STARD3NL: variants seen among roughly 807,000 people sequenced by gnomAD.
STARD3NL encodes the protein STARD3 N-terminal-like protein.
Under a neutral mutation model 30.9 loss-of-function variants are expected in STARD3NL, and 17 were observed. The observed-to-expected ratio is 0.55, with a 90% CI of 0.38 to 0.82. STARD3NL has a LOEUF of 0.82. STARD3NL is among the 40% of genes least tolerant of loss of function. STARD3NL has a pLI of 0.00. For missense variants in STARD3NL, 234 were observed against 277.6 expected (o/e 0.84, Z 1.12); for synonymous variants, 112 against 100.5 (o/e 1.11, Z -0.69).
At chr7:38,179,772 A>C (rs1784173202) in intron 1 of STARD3NL, among the ~76,000 whole-genome samples, 2 of 152,240 alleles carry the variant, frequency 1.3e-5, no homozygotes, top group South Asian at 4.1e-4. Context: ...GGTTGTATGG[A>C]GAAATGGGAT....
intron 4 of STARD3NL, 145 bp from the exon 5 acceptor site, chr7:38,216,880 T>C: frequency 1.2e-6 from 1 of 862,398 alleles, no homozygotes; most frequent in African/African-American, 1.7e-5. Flanking sequence ...GGAGAGAGAC[T>C]GAGTGATATG....
Position 38,219,802 on chromosome 7 carries a change from A to G in STARD3NL, c.649+142A>G, listed in dbSNP as rs987432431. On this transcript the variant is annotated intron_variant, in intron 7 of 8. Coordinates refer to ENST00000009041, the MANE Select transcript of STARD3NL (RefSeq NM_032016.4). ...CATTAGGGATATGAAAATAGGTGAG[A>G]CACGGTCTCACATGAAACCAGTGGT... The G allele has an allele frequency of 6.9e-5, 43 of 623,090 alleles. 1 individual carries two copies. The South Asian group carries it at 8.2e-4, about 12-fold the overall frequency. 38.6% of individuals were successfully genotyped at this position (623,090 alleles called of 1,614,324 possible).
intron 2 of STARD3NL, among the ~76,000 whole-genome samples, chr7:38,213,939 G>A (rs546697714): frequency 3.0e-4 from 46 of 152,314 alleles, no homozygotes; most frequent in Non-Finnish European, 4.7e-4. Context: ...ACGTTTGCCC[G>A]GATGTCGGGG....
At chr7:38,199,722 C>T (rs1324409545) in intron 1 of STARD3NL, among the ~76,000 whole-genome samples, 2 of 152,186 alleles carry the variant, frequency 1.3e-5, no homozygotes, top group Non-Finnish European at 2.9e-5. Flanking sequence ...ATCCAATAAC[C>T]AGACAGTAGA....
At chr7:38,218,491 T>C (rs930159700) in intron 6 of STARD3NL, among the ~76,000 whole-genome samples, 8 of 152,208 alleles carry the variant, frequency 5.3e-5, no homozygotes, top group Admixed American at 3.9e-4. Flanking sequence ...TAATTGTATA[T>C]AAATATAAAA....
chr7:38,220,037 C>T (rs147758950), intron 7 of STARD3NL, among the ~76,000 whole-genome samples: 54 of 152,326 alleles, frequency 3.5e-4, no homozygotes, highest in Non-Finnish European at 6.8e-4. Flanking sequence ...ACCAGAGCCT[C>T]ACTGTTGGCT....
intron 2 of STARD3NL, 21 bp from the exon 3 acceptor site, chr7:38,214,336 G>T (rs1347227369): frequency 2.6e-6 from 4 of 1,523,672 alleles, no homozygotes; most frequent in Admixed American, 3.7e-5. Context: ...CCTTGTTTTT[G>T]CTTCTTACTC....
chr7:38,214,295 T>TA (rs1479767790), intron 2 of STARD3NL, 62 bp from the exon 3 acceptor site: 22 of 1,080,960 alleles, frequency 2.0e-5, no homozygotes, highest in Non-Finnish European at 2.9e-5. Context: ...TAGGAAATCT[T>TA]ACCTTGTTTT....
chr7:38,197,134 T>TTTTTTCTTTCTTTC (rs1784936090), intron 1 of STARD3NL, among the ~76,000 whole-genome samples: 2 of 126,286 alleles, frequency 1.6e-5, no homozygotes, highest in Non-Finnish European at 3.5e-5. Flanking sequence ...TAGCATTACC[T>TTTTTTCTTTCTTTC]TTTTTCTTTC....
Position 38,219,662 on chromosome 7 carries a change from TA to T in STARD3NL, c.649+8del. 1 of 1,610,714 alleles carries T rather than the reference TA, an allele frequency of 6.2e-7. No individual in the cohort carries two copies. The highest frequency in any genetic ancestry group is 8.5e-7 in the Non-Finnish European group (1 of 1,177,418). ...ATTCCCCTCCTGAATCCGAAGCAGG[TA>T]AAAAACTTGATTATTATTTGTGCTT... On this transcript the variant is annotated splice_donor_region_variant and intron_variant, in intron 7 of 8. Transcript: ENST00000009041.
chr7:38,212,305 A>G (rs1221651839), intron 2 of STARD3NL, among the ~76,000 whole-genome samples: 1 of 152,214 alleles, frequency 6.6e-6, no homozygotes, highest in African/African-American at 2.4e-5. Flanking sequence ...TCAGAAAGGA[A>G]TAAGCTCCTT....
In STARD3NL at chr7:38,217,095, T is replaced by C. The variant is rs1214679076; in HGVS notation, c.435+17T>C. On this transcript the variant is annotated intron_variant, in intron 5 of 8. Coordinates refer to ENST00000009041, the MANE Select transcript of STARD3NL (RefSeq NM_032016.4). ...CTTTCGAAGGTATGGCCTACCACTTTTTCTATACAGTTACCATCTTCAGTG... is the reference window on the plus strand; with the variant it reads ...CTTTCGAAGGTATGGCCTACCACTTCTTCTATACAGTTACCATCTTCAGTG... The C allele has an allele frequency of 1.9e-6, 3 of 1,613,974 alleles. No individual in the cohort carries two copies. The highest frequency in any genetic ancestry group is 2.5e-6 in the Non-Finnish European group (3 of 1,179,972).
intron 7 of STARD3NL, among the ~76,000 whole-genome samples, chr7:38,221,604 G>A (rs529180946): frequency 6.6e-6 from 1 of 152,192 alleles, no homozygotes; most frequent in African/African-American, 2.4e-5. Flanking sequence ...CTGGGGTCCA[G>A]TGCTAGAGTT....
chr7:38,226,603 C>G (rs79231236), intron 7 of STARD3NL, among the ~76,000 whole-genome samples: 2 of 152,312 alleles, frequency 1.3e-5, no homozygotes, highest in Admixed American at 6.5e-5. Flanking sequence ...GCTCTCTCTG[C>G]GTATGCTTAG....
At chr7:38,215,808 G>T (rs1024567125) in intron 4 of STARD3NL, 1 of 152,314 alleles carries the variant, frequency 6.6e-6, no homozygotes, top group Non-Finnish European at 1.5e-5. Flanking sequence ...CTGCAGTTCT[G>T]CAATTAGAGG....
intron 1 of STARD3NL, among the ~76,000 whole-genome samples, chr7:38,186,686 G>C (rs1043412240): frequency 6.6e-6 from 1 of 152,164 alleles, no homozygotes; most frequent in Non-Finnish European, 1.5e-5. Context: ...GTAACATGCT[G>C]TACAGGTTTA....
At chr7:38,220,488 A>G (rs1366581937) in intron 7 of STARD3NL, among the ~76,000 whole-genome samples, 2 of 152,224 alleles carry the variant, frequency 1.3e-5, no homozygotes, top group Admixed American at 6.5e-5. Flanking sequence ...AAAGACAGAA[A>G]ATAAGTATTG....
At chr7:38,189,229 A>G (rs1784586095) in intron 1 of STARD3NL, among the ~76,000 whole-genome samples, 4 of 152,224 alleles carry the variant, frequency 2.6e-5, no homozygotes, top group Admixed American at 2.6e-4. Flanking sequence ...AAATGAATAT[A>G]AATAACACTG....
intron 2 of STARD3NL, among the ~76,000 whole-genome samples, chr7:38,213,271 A>G (rs948660071): frequency 3.9e-5 from 6 of 152,288 alleles, no homozygotes; most frequent in South Asian, 2.1e-4. Flanking sequence ...CAGGTTTTCA[A>G]TTCTATTCAT....
Sources: allele counts gnomAD v4.1 joint callset (sites outside exome capture counted in the v4.1 genomes callset), GRCh38; gene constraint gnomAD v4.1.1; transcripts MANE v1.5; gene names NCBI Gene and HGNC (gene_info 2026-07-23, HGNC 2026-07-21).